Variants in PIK3AP1 observed in about 807,000 individuals in gnomAD.
PIK3AP1 encodes phosphoinositide 3-kinase adapter protein 1.
A neutral mutation model predicts 88.1 loss-of-function variants in PIK3AP1; 21 were observed. The ratio of observed to expected loss-of-function variants is 0.24; its 90% CI spans 0.17 to 0.34. PIK3AP1 has a LOEUF of 0.34. Among genes scored for constraint, PIK3AP1 ranks in the 10% least tolerant of loss-of-function variants. PIK3AP1 has a pLI of 1.00. For missense variants in PIK3AP1, 828 were observed against 1,035.7 expected, an observed-to-expected ratio of 0.80 and a Z score of 2.75; for synonymous variants, 398 against 400.0, an observed-to-expected ratio of 1.00 and a Z score of 0.06.
At position 96,602,314 on chromosome 10, in the gene PIK3AP1, G is replaced by T. The variant is rs759053061; in HGVS notation, c.2326C>A (p.Pro776Thr). Residue 776 changes from proline (P) to threonine (T), a missense_variant, in exon 16 of 17, where the codon CCC (proline) becomes ACC (threonine). By Grantham distance (38) the Pro-to-Thr change is conservative. Coordinates refer to ENST00000339364, the MANE Select transcript of PIK3AP1 (RefSeq NM_152309.3). ...DGTPTMSLER[P>T]PRVPPRAASQ... The stretch of plus-strand genomic sequence containing the variant: ...GCAGCTCTCGGAGGCACCCTGGGGG[G>T]TCTCTCGAGGGACATGGTGGGTGTC... 3 of 1,607,800 alleles carry T rather than the reference G, an allele frequency of 1.9e-6. No homozygotes were observed. In the South Asian group the frequency reaches 3.3e-5, roughly 18 times the overall value.
At chr10:96,698,309 G>C (rs930128547) in intron 2 of PIK3AP1, among the ~76,000 whole-genome samples, 1 of 152,142 alleles carries the variant, frequency 6.6e-6, no homozygotes, top group African/African-American at 2.4e-5. Context: ...AAGAAGGGGG[G>C]AGTGGGAAGG....
rs3748236 is a variant in PIK3AP1, at chr10:96,609,779, A to G, written c.2103T>C (p.Ser701=). ...FGVYESGPRK[S]VIPPRTELRR... ...TCAGCTCCGTCCTAGGGGGAATGAC[A>G]CTTTTCCTGGGGCCACTCTCATAGA... Residue 701 remains serine (S), a synonymous_variant, in exon 14 of 17, where the codon AGT becomes AGC. Coordinates refer to ENST00000339364, the MANE Select transcript of PIK3AP1 (RefSeq NM_152309.3). 316,387 of 1,613,766 alleles carry G rather than the reference A, an allele frequency of 0.2. 34,401 individuals are homozygous for G. Among genetic ancestry groups the G allele is most frequent in the African/African-American group, 0.4 (29,640 of 74,892 alleles).
At chr10:96,695,724 T>C (rs1844210600) in intron 2 of PIK3AP1, among the ~76,000 whole-genome samples, 1 of 151,812 alleles carries the variant, frequency 6.6e-6, no homozygotes, top group South Asian at 2.1e-4. Context: ...CTCTATAGAT[T>C]GCCTCACTTT....
intron 2 of PIK3AP1, among the ~76,000 whole-genome samples, chr10:96,702,614 CCACA>C (rs3035892): frequency 0.032 from 4,694 of 145,086 alleles, 99 homozygotes; most frequent in African/African-American, 0.05. Context: ...AGTGTTCTCA[CCACA>C]CACACACACA....
At chr10:96,719,332 A>G (rs1270521515) in intron 1 of PIK3AP1, among the ~76,000 whole-genome samples, 1 of 152,120 alleles carries the variant, frequency 6.6e-6, no homozygotes, top group Non-Finnish European at 1.5e-5. Context: ...CTCCTGTAAG[A>G]ACAGTGCCTT....
At chr10:96,625,112 T>C (rs1843137564) in intron 10 of PIK3AP1, among the ~76,000 whole-genome samples, 1 of 152,144 alleles carries the variant, frequency 6.6e-6, no homozygotes, top group South Asian at 2.1e-4. Flanking sequence ...TAGGAATGAC[T>C]AGAACACAAT....
intron 11 of PIK3AP1, 73 bp from the exon 12 acceptor site, chr10:96,620,630 G>A (rs1377300882): frequency 5.2e-6 from 7 of 1,356,474 alleles, no homozygotes; most frequent in African/African-American, 1.4e-5. Context: ...TACGGTTAAT[G>A]AGGCTGGTCA....
chr10:96,623,250 A>G (rs999625552), intron 11 of PIK3AP1, among the ~76,000 whole-genome samples: 1 of 152,082 alleles, frequency 6.6e-6, no homozygotes, highest in Non-Finnish European at 1.5e-5. Context: ...AATTTTAGAG[A>G]CAGGGTCTCA....
At chr10:96,703,634 T>C (rs566887658) in intron 2 of PIK3AP1, among the ~76,000 whole-genome samples, 4 of 152,236 alleles carry the variant, frequency 2.6e-5, no homozygotes, top group Non-Finnish European at 4.4e-5. Flanking sequence ...ATAATTTCTG[T>C]GCTGTACCTG....
At chr10:96,657,150 G>A (rs1346145734) in intron 2 of PIK3AP1, among the ~76,000 whole-genome samples, 1 of 152,144 alleles carries the variant, frequency 6.6e-6, no homozygotes, top group African/African-American at 2.4e-5. Context: ...ACAGCAAGAG[G>A]GATGACAATC....
chr10:96,645,977 T>A (rs1386447766), intron 7 of PIK3AP1, among the ~76,000 whole-genome samples: 1 of 152,186 alleles, frequency 6.6e-6, no homozygotes, highest in African/African-American at 2.4e-5. Flanking sequence ...TACTTTCCCA[T>A]GGCCTGATGT....
At chr10:96,689,930 C>A (rs1044384413) in intron 2 of PIK3AP1, among the ~76,000 whole-genome samples, 2 of 152,178 alleles carry the variant, frequency 1.3e-5, no homozygotes, top group Non-Finnish European at 2.9e-5. Flanking sequence ...GCCCAGGATC[C>A]AGCCTCCAGC....
intron 14 of PIK3AP1, 127 bp from the exon 15 acceptor site, chr10:96,604,176 A>G: frequency 1.3e-6 from 1 of 776,664 alleles, no homozygotes; most frequent in Non-Finnish European, 1.9e-6. Flanking sequence ...GGGGTTCTTC[A>G]AACTTTGGCC....
At chr10:96,715,715 C>T (rs1035302366) in intron 1 of PIK3AP1, among the ~76,000 whole-genome samples, 1 of 151,664 alleles carries the variant, frequency 6.6e-6, no homozygotes, top group Non-Finnish European at 1.5e-5. Flanking sequence ...ATGGTGAAAA[C>T]CCGTCTCTAC....
chr10:96,623,522 CT>C lies in PIK3AP1; in HGVS notation c.1684del (p.Ser562ValfsTer39). 6.2e-7 allele frequency: 1 copy of C among 1,609,046 alleles called. No individual in the cohort carries two copies. Among genetic ancestry groups the C allele is most frequent in the Non-Finnish European group, 8.5e-7 (1 of 1,176,060 alleles). On this transcript the variant is annotated frameshift_variant, in exon 11 of 17. Coordinates refer to ENST00000339364, the MANE Select transcript of PIK3AP1 (RefSeq NM_152309.3). LOFTEE classifies it high-confidence loss of function. ...GTAGAAATTCCCAGGCCGCTCTTGA[CT>C]TTTTTCTGCAAAAACTATGAGATAA... is the stretch of plus-strand genomic sequence containing the variant. ...PYIFKVFAEK[S>X]QERPGNFYVS...
chr10:96,645,402 A>G lies in PIK3AP1; in HGVS notation c.1375+71T>C, dbSNP rs141380438. ...GGGTACATAGGGACTGCCCCGCGCC[A>G]TCTTCATCCGGAATGAAAAAAGCTG... On this transcript the variant is annotated intron_variant, in intron 8 of 16. Coordinates refer to ENST00000339364, the MANE Select transcript of PIK3AP1 (RefSeq NM_152309.3). 1.9e-4 allele frequency: 289 copies of G among 1,532,812 alleles called. No homozygotes were observed. The African/African-American group carries it at 2.8e-3, about 15-fold the overall frequency. 95.0% of individuals were successfully genotyped at this position (1,532,812 alleles called of 1,614,324 possible).
At chr10:96,615,452 G>A (rs1311131880) in intron 13 of PIK3AP1, among the ~76,000 whole-genome samples, 2 of 152,198 alleles carry the variant, frequency 1.3e-5, no homozygotes. Flanking sequence ...GAGATGATGT[G>A]GCTTGGCTGC....
intron 2 of PIK3AP1, among the ~76,000 whole-genome samples, chr10:96,681,600 G>A (rs1229642436): frequency 6.6e-6 from 1 of 152,166 alleles, no homozygotes; most frequent in African/African-American, 2.4e-5. Context: ...GGCCCAAAAG[G>A]GGGCTCTAGT....
chr10:96,695,520 A>C (rs1307861545), intron 2 of PIK3AP1, among the ~76,000 whole-genome samples: 1 of 152,236 alleles, frequency 6.6e-6, no homozygotes. Context: ...GTAAACCAGC[A>C]GTCTGTGAAA....
Sources: gnomAD v4.1 joint callset for allele counts (sites outside exome capture counted in the v4.1 genomes callset) on GRCh38, gnomAD v4.1.1 for gene constraint, MANE v1.5 for transcripts, NCBI Gene and HGNC (gene_info 2026-07-23, HGNC 2026-07-21) for gene names.